The following PRKAG2 variants were observed in gnomAD, a reference collection of about 807,000 sequenced individuals.
The protein encoded by PRKAG2 is protein kinase AMP-activated non-catalytic subunit gamma 2, also known as 5'-AMP-activated protein kinase subunit gamma-2.
PRKAG2 carries 26 observed loss-of-function variants against 69.6 expected under a neutral mutation model. The ratio of observed to expected loss-of-function variants is 0.37; its 90% CI spans 0.27 to 0.52. PRKAG2 has a LOEUF of 0.52. PRKAG2 is among the 20% of genes least tolerant of loss of function. The pLI, the probability that PRKAG2 is intolerant of heterozygous loss-of-function variation, is 0.90. For missense variants in PRKAG2, 557 were observed against 740.0 expected (o/e 0.75, Z 2.87); for synonymous variants, 293 against 285.0 (o/e 1.03, Z -0.28).
chr7:151,855,046 CCCTCCACACACACCAT>C (rs778276204), intron 1 of PRKAG2, among the ~76,000 whole-genome samples: 13 of 26,632 alleles, frequency 4.9e-4, no homozygotes, highest in South Asian at 1.7e-3. Context: ...ACACACACCG[CCCTCCACACACACCAT>C]CCTCCACACA....
At chr7:151,698,426 C>T (rs867460511) in intron 3 of PRKAG2, among the ~76,000 whole-genome samples, 7 of 152,144 alleles carry the variant, frequency 4.6e-5, no homozygotes, top group Admixed American at 1.3e-4. Context: ...ATGCGACCCC[C>T]GAGTTGAAGG....
chr7:151,611,424 C>G (rs1297822616), intron 5 of PRKAG2, among the ~76,000 whole-genome samples: 1 of 152,222 alleles, frequency 6.6e-6, no homozygotes, highest in Non-Finnish European at 1.5e-5. Context: ...GGATCCGTTC[C>G]TCAGCTTCAT....
chr7:151,831,028 A>G (rs936078733), intron 1 of PRKAG2, among the ~76,000 whole-genome samples: 2 of 152,110 alleles, frequency 1.3e-5, no homozygotes, highest in South Asian at 4.1e-4. Context: ...AACCACAATG[A>G]GACACCACTT....
intron 1 of PRKAG2, among the ~76,000 whole-genome samples, chr7:151,832,747 A>C (rs1295792541): frequency 6.6e-6 from 1 of 152,106 alleles, no homozygotes; most frequent in African/African-American, 2.4e-5. Flanking sequence ...ACAAAAGCTC[A>C]GAGCCCACCT....
intron 5 of PRKAG2, among the ~76,000 whole-genome samples, chr7:151,621,692 C>T (rs1029695369): frequency 2.0e-5 from 3 of 152,152 alleles, no homozygotes; most frequent in Non-Finnish European, 4.4e-5. Flanking sequence ...CCTATCTCAG[C>T]CTCCCAAGTA....
intron 3 of PRKAG2, among the ~76,000 whole-genome samples, chr7:151,698,539 TG>T (rs1012437621): frequency 6.6e-6 from 1 of 152,010 alleles, no homozygotes; most frequent in Non-Finnish European, 1.5e-5. Context: ...GAGGCCTGGT[TG>T]TTTGAAGGAG....
At position 151,614,843 on chromosome 7, in the gene PRKAG2, A is replaced by G. The variant is rs908566581; in HGVS notation, c.754+17226T>C. On this transcript the variant is annotated intron_variant, in intron 5 of 15. Coordinates refer to ENST00000287878, the MANE Select transcript of PRKAG2 (RefSeq NM_016203.4). This position sits in a 1 kb window ranked among gnomAD's most constrained non-coding sequence, Gnocchi z 4.4. ...ACTGATCACTTGGCACTGGGCTCTC[A>G]GCCCCAGTCTCCTCACCTTTACACT... is the stretch of plus-strand genomic sequence containing the variant. Among the ~76,000 whole-genome samples, 2 of 152,224 alleles carry G rather than the reference A, an allele frequency of 1.3e-5. No individual in the cohort carries two copies. Among genetic ancestry groups the G allele is most frequent in the African/African-American group, 2.4e-5 (1 of 41,460 alleles).
chr7:151,599,021 T>C (rs1815339138), intron 5 of PRKAG2, among the ~76,000 whole-genome samples: 1 of 152,018 alleles, frequency 6.6e-6, no homozygotes, highest in South Asian at 2.1e-4. Flanking sequence ...CTGGCTAATA[T>C]TTGTATTTTT....
intron 3 of PRKAG2, among the ~76,000 whole-genome samples, chr7:151,700,195 T>C (rs1341266505): frequency 6.6e-6 from 1 of 152,164 alleles, no homozygotes; most frequent in Non-Finnish European, 1.5e-5. Flanking sequence ...GTGTTTTAAG[T>C]TGAGTGGCTA....
chr7:151,570,092 TTG>T, intron 10 of PRKAG2, 77 bp downstream of exon 10: 1 of 1,493,052 alleles, frequency 6.7e-7, no homozygotes, highest in Admixed American at 1.8e-5. Context: ...ACATGTTTAT[TTG>T]TGTCTTTCTT....
intron 3 of PRKAG2, among the ~76,000 whole-genome samples, chr7:151,725,028 C>T (rs1457248234): frequency 5.9e-5 from 9 of 152,176 alleles, no homozygotes; most frequent in South Asian, 4.2e-4. Context: ...CCGCGCCTGA[C>T]GTGAGTACTC....
intron 3 of PRKAG2, among the ~76,000 whole-genome samples, chr7:151,676,002 G>A (rs1832882374): frequency 6.6e-6 from 1 of 152,114 alleles, no homozygotes; most frequent in Non-Finnish European, 1.5e-5. Context: ...TCCCCTCATT[G>A]GGAACGGGGT....
At chr7:151,743,428 G>A (rs1283239492) in intron 3 of PRKAG2, among the ~76,000 whole-genome samples, 2 of 152,180 alleles carry the variant, frequency 1.3e-5, no homozygotes, top group Non-Finnish European at 2.9e-5. Flanking sequence ...AGTGAAATCA[G>A]AGCTCAGCTC....
At chr7:151,669,940 T>TGCATGCACATACA (rs1175905752) in intron 4 of PRKAG2, among the ~76,000 whole-genome samples, 1 of 13,410 alleles carries the variant, frequency 7.5e-5, no homozygotes, top group Non-Finnish European at 1.6e-4. Flanking sequence ...GTGCACACAC[T>TGCATGCACATACA]TGCATGTACA....
intron 5 of PRKAG2, among the ~76,000 whole-genome samples, chr7:151,611,269 G>A (rs6979965): frequency 1.1e-4 from 16 of 152,178 alleles, no homozygotes; most frequent in African/African-American, 3.6e-4. Flanking sequence ...TACACCCCTC[G>A]GCATCTTCCT....
chr7:151,602,009 G>C (rs1313292083), intron 5 of PRKAG2, among the ~76,000 whole-genome samples: 1 of 152,240 alleles, frequency 6.6e-6, no homozygotes, highest in Non-Finnish European at 1.5e-5. Context: ...TGATAGACTA[G>C]ACAGTGAGGG....
intron 3 of PRKAG2, among the ~76,000 whole-genome samples, chr7:151,693,599 A>G (rs1257525283): frequency 6.6e-6 from 1 of 152,242 alleles, no homozygotes. Flanking sequence ...ATGTTAGTAA[A>G]ACTTTCTGAA....
In PRKAG2 at chr7:151,558,068, T is replaced by A; in HGVS notation, c.1679-836A>T. On this transcript the variant is annotated intron_variant, in intron 15 of 15. Transcript: ENST00000287878. ...ACCCCTGAAAGAGATCGGCAATCTATTAGAGCGTGTGGCTGAAACACCGTA... is the reference window on the plus strand; with the variant it reads ...ACCCCTGAAAGAGATCGGCAATCTAATAGAGCGTGTGGCTGAAACACCGTA... 4 of 985,348 alleles carry A rather than the reference T, an allele frequency of 4.1e-6. No homozygotes were observed. The South Asian group carries it at 1.9e-4, about 46-fold the overall frequency. 61.0% of individuals were successfully genotyped at this position (985,348 alleles called of 1,614,324 possible). A position where few individuals can be genotyped will look rare whatever the true frequency, so the allele number is the denominator to read the frequency against.
intron 3 of PRKAG2, among the ~76,000 whole-genome samples, chr7:151,703,899 C>CACACAT: frequency 7.3e-6 from 1 of 136,102 alleles, no homozygotes; most frequent in African/African-American, 2.9e-5. Flanking sequence ...CACACACACA[C>CACACAT]ACACACACAC....
Sources: allele counts gnomAD v4.1 joint callset (sites outside exome capture counted in the v4.1 genomes callset), GRCh38; gene constraint gnomAD v4.1.1; non-coding constraint Gnocchi (gnomAD v3.1); transcripts MANE v1.5; gene names NCBI Gene and HGNC (gene_info 2026-07-23, HGNC 2026-07-21).